RIC8B: variants seen among roughly 807,000 people sequenced by gnomAD.
The protein encoded by RIC8B is RIC8 guanine nucleotide exchange factor B.
A neutral mutation model predicts 57.5 loss-of-function variants in RIC8B; 16 were observed. The observed-to-expected ratio is 0.28, with a 90% CI of 0.19 to 0.42. The LOEUF is 0.42. Ranked by LOEUF, RIC8B falls within the 10% of genes least tolerant of loss-of-function variation. The probability of loss-of-function intolerance (pLI) is 1.00; values close to 1 mark genes in which losing one functional copy is unlikely to be tolerated. For synonymous variants in RIC8B, 216 were observed against 250.8 expected, an observed-to-expected ratio of 0.86 and a Z score of 1.31; for missense variants, 481 against 677.0, an observed-to-expected ratio of 0.71 and a Z score of 3.21.
At chr12:106,786,081 C>T (rs1425901423) in intron 2 of RIC8B, among the ~76,000 whole-genome samples, 1 of 150,168 alleles carries the variant, frequency 6.7e-6, no homozygotes, top group African/African-American at 2.5e-5. Context: ...GATCTTCCCA[C>T]TTTGACCTCC....
At chr12:106,824,531 A>G (rs944253541) in intron 3 of RIC8B, among the ~76,000 whole-genome samples, 1 of 152,186 alleles carries the variant, frequency 6.6e-6, no homozygotes, top group Non-Finnish European at 1.5e-5. Flanking sequence ...AGTTCTATAT[A>G]TGAATATAGG....
chr12:106,812,010 T>C (rs1042726594), intron 2 of RIC8B, among the ~76,000 whole-genome samples: 5 of 151,884 alleles, frequency 3.3e-5, no homozygotes, highest in African/African-American at 1.2e-4. Flanking sequence ...TTGTATTGAG[T>C]AAAACATTAA....
chr12:106,870,237 A>G (rs1335675332), intron 8 of RIC8B, among the ~76,000 whole-genome samples: 1 of 152,160 alleles, frequency 6.6e-6, no homozygotes, highest in Non-Finnish European at 1.5e-5. Flanking sequence ...GCTAGATTTC[A>G]TCCCTTTTTT....
intron 5 of RIC8B, among the ~76,000 whole-genome samples, chr12:106,843,110 G>T (rs1325208205): frequency 6.6e-6 from 1 of 152,072 alleles, no homozygotes; most frequent in Non-Finnish European, 1.5e-5. Context: ...TTGTTACTTT[G>T]TGAGTCCTAG....
intron 1 of RIC8B, among the ~76,000 whole-genome samples, chr12:106,776,388 T>G (rs1341506369): frequency 2.0e-5 from 3 of 152,242 alleles, no homozygotes; most frequent in East Asian, 3.8e-4. Context: ...AGCTTCAAAC[T>G]GATTTTCAGA....
At chr12:106,874,998 T>G (rs1456184827) in intron 9 of RIC8B, among the ~76,000 whole-genome samples, 1 of 152,126 alleles carries the variant, frequency 6.6e-6, no homozygotes, top group East Asian at 1.9e-4. Context: ...GATGAAATAA[T>G]GAAAATAGCT....
At chr12:106,806,388 C>T (rs1396768145) in intron 2 of RIC8B, among the ~76,000 whole-genome samples, 1 of 152,208 alleles carries the variant, frequency 6.6e-6, no homozygotes, top group East Asian at 1.9e-4. Flanking sequence ...GAACACCACA[C>T]TCCTAAATTT....
At chr12:106,863,935 G>C (rs1207716307) in intron 8 of RIC8B, among the ~76,000 whole-genome samples, 1 of 152,044 alleles carries the variant, frequency 6.6e-6, no homozygotes, top group Admixed American at 6.6e-5. Flanking sequence ...TTATTGCCTA[G>C]ATGCAATTTG....
chr12:106,831,069 T>C (rs1056560501), intron 4 of RIC8B, among the ~76,000 whole-genome samples: 2 of 152,214 alleles, frequency 1.3e-5, no homozygotes, highest in Non-Finnish European at 2.9e-5. Flanking sequence ...AGTCCTCTTA[T>C]AGATTTCCTT....
chr12:106,823,134 A>T (rs1160189425), intron 3 of RIC8B: 2 of 201,648 alleles, frequency 9.9e-6, no homozygotes, highest in Non-Finnish European at 2.1e-5. Flanking sequence ...TTGATGACCT[A>T]TTAAACACAC....
At chr12:106,829,823 T>C (rs2046277144) in intron 4 of RIC8B, among the ~76,000 whole-genome samples, 1 of 152,234 alleles carries the variant, frequency 6.6e-6, no homozygotes, top group Non-Finnish European at 1.5e-5. Context: ...AATCTTGTCA[T>C]GGCTCCTCTT....
rs1285478541 is a variant in RIC8B, at chr12:106,776,096, G to A, written c.84+1267G>A. ...TGATAAAATTTAGAATGATAATGTG[G>A]TCCCAAGTCCACACAGCCACTGAGA... On this transcript the variant is annotated intron_variant, in intron 1 of 9. Coordinates refer to ENST00000392837, the MANE Select transcript of RIC8B (RefSeq NM_001330145.2). 3.9e-5 allele frequency among the ~76,000 whole-genome samples: 6 copies of A among 152,146 alleles called. No homozygotes were observed. The East Asian group carries it at 9.6e-4, about 24-fold the overall frequency.
chr12:106,874,581 A>G (rs1950584727), intron 9 of RIC8B: 3 of 1,542,148 alleles, frequency 1.9e-6, no homozygotes, highest in African/African-American at 2.7e-5. Context: ...GGTCATGCCA[A>G]GTACTGTTAC....
intron 1 of RIC8B, 51 bp downstream of exon 1, chr12:106,774,880 C>G: frequency 7.2e-7 from 1 of 1,382,542 alleles, no homozygotes; most frequent in African/African-American, 1.5e-5. Context: ...GGGCCGCCCT[C>G]CGTGCTTGCA....
intron 9 of RIC8B, chr12:106,874,642 AC>A: frequency 8.9e-7 from 1 of 1,120,096 alleles, no homozygotes; most frequent in Non-Finnish European, 1.3e-6. Flanking sequence ...TTGTAAAACC[AC>A]CAATGTAAAA....
intron 3 of RIC8B, chr12:106,822,902 A>T (rs1411159510): frequency 6.5e-6 from 1 of 153,172 alleles, no homozygotes; most frequent in Admixed American, 6.5e-5. Flanking sequence ...TAGCAACCAA[A>T]ATACTAACCT....
chr12:106,786,515 T>C (rs1239149086), intron 2 of RIC8B, among the ~76,000 whole-genome samples: 1 of 152,174 alleles, frequency 6.6e-6, no homozygotes, highest in Non-Finnish European at 1.5e-5. Context: ...GAGTGCAAAA[T>C]GGCACAATCC....
In RIC8B at chr12:106,817,824, C is replaced by CAAAAA. The variant is rs1256361414; in HGVS notation, c.741+2535_741+2539dup. ...TGGGAGACAGAGCGAAACACTGTCT[C>CAAAAA]AAAAAAAAAAAAAAAAAAATCTCTC... On this transcript the variant is annotated intron_variant, in intron 3 of 9. Transcript: ENST00000392837. 1.1e-3 allele frequency among the ~76,000 whole-genome samples: 128 copies of CAAAAA among 111,970 alleles called. 2 individuals are homozygous for CAAAAA. The highest frequency in any genetic ancestry group is 1.8e-3 in the Non-Finnish European group (97 of 53,562). 73.5% of individuals were successfully genotyped at this position (111,970 alleles called of 152,430 possible). A position where few individuals can be genotyped will look rare whatever the true frequency, so the allele number is the denominator to read the frequency against.
At chr12:106,852,621 AT>A (rs1431394356) in intron 7 of RIC8B, among the ~76,000 whole-genome samples, 1 of 152,196 alleles carries the variant, frequency 6.6e-6, no homozygotes, top group Non-Finnish European at 1.5e-5. Flanking sequence ...TAAATATTAT[AT>A]TTTGATTTCA....
Sources: allele counts gnomAD v4.1 joint callset (sites outside exome capture counted in the v4.1 genomes callset), GRCh38; gene constraint gnomAD v4.1.1; transcripts MANE v1.5; gene names NCBI Gene and HGNC (gene_info 2026-07-23, HGNC 2026-07-21).